The following PER3 variants were observed in gnomAD, a reference collection of about 807,000 sequenced individuals.
The protein encoded by PER3 is period circadian protein homolog 3.
Under a neutral mutation model 127.2 loss-of-function variants are expected in PER3, and 107 were observed. The ratio of observed to expected loss-of-function variants is 0.84; its 90% CI spans 0.72 to 0.99. The LOEUF is 0.99. PER3 is among the 50% of genes least tolerant of loss of function. PER3 has a pLI of 0.00. For missense variants in PER3, 1,560 were observed against 1,525.8 expected (o/e 1.02, Z -0.37); for synonymous variants, 618 against 585.8 (o/e 1.05, Z -0.79).
In PER3 at chr1:7,844,872, A is replaced by G. The variant is rs540840898; in HGVS notation, c.*2117A>G. Reference sequence around the variant, plus strand: ...TTGTTAACTTTTTATATTAATGACTATTGAAAGTGGTAATAAAAATTTATA... The same window carrying G: ...TTGTTAACTTTTTATATTAATGACTGTTGAAAGTGGTAATAAAAATTTATA... On this transcript the variant is annotated 3_prime_UTR_variant, in exon 22 of 22. Transcript: ENST00000377532. 3 of 152,476 alleles carry G rather than the reference A, an allele frequency of 2.0e-5. No individual in the cohort carries two copies. Among genetic ancestry groups the G allele is most frequent in the East Asian group, 3.8e-4 (2 of 5,284 alleles). The allele number at this position is 152,476 out of a possible 1,614,324, so 9.4% of individuals were successfully genotyped here. A position where few individuals can be genotyped will look rare whatever the true frequency, so the allele number is the denominator to read the frequency against.
At position 7,798,535 on chromosome 1, in the gene PER3, G is replaced by C. The variant is rs757844993; in HGVS notation, c.655G>C (p.Asp219His). 1 of 1,613,774 alleles carries C rather than the reference G, an allele frequency of 6.2e-7. No individual in the cohort carries two copies. Among genetic ancestry groups the C allele is most frequent in the Admixed American group, 1.7e-5 (1 of 60,012 alleles). The change falls in exon 7 of 22, where the codon GAC becomes CAC. Residue 219 changes from aspartate (D) to histidine (H), a missense_variant. Physicochemically the swap from Asp to His is moderately conservative, Grantham distance 81. Transcript: ENST00000377532. ...PFFCRIRGGEDRKQEKCHSPF... is the reference protein window; with the variant it reads ...PFFCRIRGGEHRKQEKCHSPF... ...CTTTAATCTCCTCAGTGGAGGTGAAGACAGAAAGCAAGAGAAGTGTCACTC... is the reference window on the plus strand; with the variant it reads ...CTTTAATCTCCTCAGTGGAGGTGAACACAGAAAGCAAGAGAAGTGTCACTC...
chr1:7,832,128 A>G (rs1320546937), intron 19 of PER3, among the ~76,000 whole-genome samples: 2 of 152,206 alleles, frequency 1.3e-5, no homozygotes, highest in Admixed American at 6.5e-5. Flanking sequence ...CTTTCAAGAA[A>G]TGTATCTATT....
chr1:7,836,061 G>A lies in PER3; in HGVS notation c.3398+116G>A, dbSNP rs140958821. The A allele has an allele frequency of 1.6e-3, 1,039 of 651,180 alleles. 11 individuals are homozygous for A. In the African/African-American group the frequency reaches 0.018, roughly 11 times the overall value. The allele number at this position is 651,180 out of a possible 1,614,324, so 40.3% of individuals were successfully genotyped here. On this transcript the variant is annotated intron_variant, in intron 20 of 21. Transcript: ENST00000377532. ...CACCCAGGCTGGAGTGCAGTGGCAC[G>A]ATCTCAGCACACTGCAACCTCCATC...
At chr1:7,835,161 G>A (rs2097352071) in intron 19 of PER3, among the ~76,000 whole-genome samples, 1 of 152,206 alleles carries the variant, frequency 6.6e-6, no homozygotes, top group Non-Finnish European at 1.5e-5. Context: ...CATGACCAGA[G>A]AACTGTAGCA....
chr1:7,839,454 C>T (rs1577987871), intron 21 of PER3, among the ~76,000 whole-genome samples: 1 of 152,220 alleles, frequency 6.6e-6, no homozygotes, highest in Admixed American at 6.5e-5. Flanking sequence ...TGGAATTGCA[C>T]ATTGTCGTTG....
intron 3 of PER3, among the ~76,000 whole-genome samples, 179 bp downstream of exon 3, chr1:7,785,765 A>G (rs146229036): frequency 3.3e-5 from 5 of 152,250 alleles, no homozygotes; most frequent in Non-Finnish European, 5.9e-5. Flanking sequence ...CATGTGAAAG[A>G]CCAGGAAAAC....
Position 7,785,444 on chromosome 1 carries a change from A to G in PER3, c.132A>G (p.Glu44=), listed in dbSNP as rs566555617. The change falls in exon 3 of 22, where the codon GAA becomes GAG. Residue 44 remains glutamate (E), a synonymous_variant. Coordinates refer to ENST00000377532, the MANE Select transcript of PER3 (RefSeq NM_001377275.1). ...QRKLADSSHS[E]QQDRNRVSEE... is the part of the protein sequence containing the mutation. ...GTAATTTTTTTTTATCTTCCAGTGA[A>G]CAGCAAGATCGAAACAGAGTTTCTG... 10 of 1,611,888 alleles carry G rather than the reference A, an allele frequency of 6.2e-6. No individual in the cohort carries two copies. The highest frequency in any genetic ancestry group is 2.2e-5 in the South Asian group (2 of 90,994).
intron 5 of PER3, 113 bp downstream of exon 5, chr1:7,788,359 T>G (rs2097101959): frequency 2.7e-6 from 2 of 738,682 alleles, no homozygotes; most frequent in Non-Finnish European, 4.5e-6. Flanking sequence ...TATCTGGTTT[T>G]TCTTATTCCT....
In PER3 at chr1:7,798,676, A is replaced by G. The variant is rs2097156675; in HGVS notation, c.793+3A>G. The G allele has an allele frequency of 3.1e-6, 5 of 1,610,916 alleles. No individual in the cohort carries two copies. Among genetic ancestry groups the G allele is most frequent in the Non-Finnish European group, 4.2e-6 (5 of 1,177,222 alleles). Reference sequence around the variant, plus strand: ...AAAGATTCACTCTGGTTATGAAGGTAAGTCAGTAGATAAGATGCAGAAATG... The same window carrying G: ...AAAGATTCACTCTGGTTATGAAGGTGAGTCAGTAGATAAGATGCAGAAATG... On this transcript the variant is annotated splice_donor_region_variant and intron_variant, in intron 7 of 21. Transcript: ENST00000377532.
At chr1:7,833,638 A>C (rs2151236045) in intron 19 of PER3, among the ~76,000 whole-genome samples, 1 of 152,294 alleles carries the variant, frequency 6.6e-6, no homozygotes, top group East Asian at 1.9e-4. Flanking sequence ...TATTTAAAGT[A>C]AGTTTCTCGT....
chr1:7,822,476 C>T (rs1327031613), intron 16 of PER3, among the ~76,000 whole-genome samples: 1 of 152,082 alleles, frequency 6.6e-6, no homozygotes, highest in Non-Finnish European at 1.5e-5. Flanking sequence ...TGGTCTCGAA[C>T]TCCGGACCTC....
chr1:7,842,020 C>G (rs2097392301), intron 21 of PER3, among the ~76,000 whole-genome samples: 1 of 152,158 alleles, frequency 6.6e-6, no homozygotes, highest in African/African-American at 2.4e-5. Context: ...ACCTGTACAG[C>G]TGTTACTGTC....
chr1:7,833,494 T>C (rs1049911263), intron 19 of PER3, among the ~76,000 whole-genome samples: 1 of 152,250 alleles, frequency 6.6e-6, no homozygotes, highest in Non-Finnish European at 1.5e-5. Flanking sequence ...TGAATTGCTC[T>C]CTTTATCCTG....
Position 7,810,503 on chromosome 1 carries a change from T to C in PER3, c.1437T>C (p.Ile479=), listed in dbSNP as rs143456316. Residue 479 remains isoleucine, a synonymous_variant, in exon 13 of 22, where the codon ATT becomes ATC. Transcript: ENST00000377532. ...KIKNLGQQLY[I]ESMTKSSFKP... ...AAAATCTGGGTCAGCAGCTCTACAT[T>C]GAGTCAATGACCAAATCATCATTCA... is the stretch of plus-strand genomic sequence containing the variant. 6.0e-5 allele frequency: 97 copies of C among 1,613,490 alleles called. No homozygotes were observed. In the African/African-American group the frequency reaches 1.2e-3, roughly 21 times the overall value.
At chr1:7,819,237 A>G (rs1218258799) in intron 13 of PER3, 48 bp from the exon 14 acceptor site, 6 of 1,554,496 alleles carry the variant, frequency 3.9e-6, no homozygotes, top group Non-Finnish European at 4.4e-6. Flanking sequence ...TATGTTCTTA[A>G]TTACATGCTG....
chr1:7,829,842 T>TA lies in PER3; in HGVS notation c.2896dup (p.Thr966AsnfsTer7). On this transcript the variant is annotated frameshift_variant, in exon 19 of 22. Coordinates refer to ENST00000377532, the MANE Select transcript of PER3 (RefSeq NM_001377275.1). LOFTEE classifies it high-confidence loss of function. ...GTGCCCTTACTTTCTAGCAGTGTGT[T>TA]ACAGGCAACAATGGCAGTGAGAGCA... The TA allele has an allele frequency of 6.2e-7, 1 of 1,613,508 alleles. No individual in the cohort carries two copies. Among genetic ancestry groups the TA allele is most frequent in the Non-Finnish European group, 8.5e-7 (1 of 1,179,430 alleles).
chr1:7,824,705 A>G (rs2097293282), intron 16 of PER3, among the ~76,000 whole-genome samples: 2 of 152,034 alleles, frequency 1.3e-5, no homozygotes, highest in African/African-American at 2.4e-5. Context: ...TGCTTTTTAA[A>G]TTTGCTAGGC....
intron 5 of PER3, among the ~76,000 whole-genome samples, chr1:7,789,798 C>A (rs1003488243): frequency 9.2e-5 from 14 of 152,134 alleles, no homozygotes; most frequent in African/African-American, 3.4e-4. Flanking sequence ...TAGATTGCCC[C>A]ATCTTTTAAA....
intron 12 of PER3, 92 bp from the exon 13 acceptor site, chr1:7,810,346 A>G (rs575476359): frequency 3.1e-6 from 3 of 953,444 alleles, no homozygotes; most frequent in Admixed American, 2.5e-5. Flanking sequence ...TATATCTTCA[A>G]AGAAACAGAA....
Sources: gnomAD v4.1 joint callset for allele counts (sites outside exome capture counted in the v4.1 genomes callset) on GRCh38, gnomAD v4.1.1 for gene constraint, MANE v1.5 for transcripts, NCBI Gene and HGNC (gene_info 2026-07-23, HGNC 2026-07-21) for gene names.